The following WDR47 variants were observed in gnomAD, a reference collection of about 807,000 sequenced individuals.
WDR47 encodes the protein WD repeat-containing protein 47.
In WDR47, 32 loss-of-function variants were observed where a neutral mutation model predicts 97.2. The ratio of observed to expected loss-of-function variants is 0.33; its 90% CI spans 0.25 to 0.44. WDR47 has a LOEUF of 0.44. WDR47 is among the 20% of genes least tolerant of loss of function. The pLI is 1.00. For missense variants in WDR47, 782 were observed against 1,102.3 expected (o/e 0.71, Z 4.11); for synonymous variants, 375 against 373.5 (o/e 1.00, Z -0.05).
At position 109,023,403 on chromosome 1, in the gene WDR47, T is replaced by A; in HGVS notation, c.110A>T (p.Glu37Val). 1.2e-6 allele frequency: 2 copies of A among 1,613,878 alleles called. No homozygotes were observed. The highest frequency in any genetic ancestry group is 1.7e-6 in the Non-Finnish European group (2 of 1,179,906). ...LHISMLALEK[E>V]SGVINGLFSD... ...AAACAGGCCATTTATGACTCCACTTTCCTTCTCCAGGGCCAGCATACTAAT... is the reference window on the plus strand; with the variant it reads ...AAACAGGCCATTTATGACTCCACTTACCTTCTCCAGGGCCAGCATACTAAT... Residue 37 changes from glutamate (E) to valine (V), a missense_variant, in exon 2 of 15, where the codon GAA becomes GTA. Glu to Val is a moderately radical substitution (Grantham distance 121). This residue lies in a region of WDR47 where 428 missense variants were observed against 584.3 expected (regional missense o/e 0.73). Coordinates refer to ENST00000369962, the MANE Select transcript of WDR47 (RefSeq NM_001142551.2).
intron 4 of WDR47, 164 bp downstream of exon 4, chr1:109,013,677 C>T (rs957647157): frequency 2.1e-5 from 14 of 654,174 alleles, no homozygotes; most frequent in African/African-American, 1.3e-4. Context: ...AGTTTAGAAG[C>T]GCTACAGAAT....
At chr1:108,994,182 G>A (rs532800882) in intron 8 of WDR47, among the ~76,000 whole-genome samples, 4 of 152,238 alleles carry the variant, frequency 2.6e-5, no homozygotes, top group African/African-American at 9.6e-5. Context: ...CGAATCATGA[G>A]GTCAGGAGTT....
chr1:108,990,658 A>C (rs1029240282), intron 9 of WDR47, among the ~76,000 whole-genome samples: 5 of 152,144 alleles, frequency 3.3e-5, no homozygotes, highest in South Asian at 2.1e-4. Context: ...TCTCAAATTA[A>C]CACCTTTGTT....
intron 2 of WDR47, among the ~76,000 whole-genome samples, chr1:109,020,126 G>A (rs1206956143): frequency 6.6e-6 from 1 of 151,766 alleles, no homozygotes; most frequent in African/African-American, 2.4e-5. Context: ...ATAAAAATAA[G>A]GCAATCACTG....
chr1:109,011,635 G>A lies in WDR47; in HGVS notation c.411C>T (p.Leu137=), dbSNP rs779069985. Residue 137 remains leucine (L), a synonymous_variant, in exon 5 of 15, where the codon CTC becomes CTT. Transcript: ENST00000369962. Reference sequence around the variant, plus strand: ...GACGAGGCAAAGTCAAAAGCAAACAGAGCTTACTATAGTCATCTTTAGAAG... The same window carrying A: ...GACGAGGCAAAGTCAAAAGCAAACAAAGCTTACTATAGTCATCTTTAGAAG... ...YCPSKDDYSK[L]CLLLTLPRLT... 2 of 1,614,178 alleles carry A rather than the reference G, an allele frequency of 1.2e-6. No individual in the cohort carries two copies. The highest frequency in any genetic ancestry group is 2.2e-5 in the East Asian group (1 of 44,888).
intron 1 of WDR47, among the ~76,000 whole-genome samples, chr1:109,035,499 AT>A (rs773014772): frequency 0.029 from 4,202 of 143,792 alleles, 51 homozygotes; most frequent in Non-Finnish European, 0.037. Flanking sequence ...CAATTTTTAA[AT>A]TTTTTTTTTT....
At chr1:108,979,209 A>G (rs914044830) in intron 13 of WDR47, among the ~76,000 whole-genome samples, 6 of 152,230 alleles carry the variant, frequency 3.9e-5, no homozygotes, top group Non-Finnish European at 2.9e-5. Context: ...AATTAGTGGT[A>G]AGTGTATAGA....
Position 108,985,326 on chromosome 1 carries a change from G to A in WDR47, c.1925+1197C>T, listed in dbSNP as rs74969346. On this transcript the variant is annotated intron_variant, in intron 10 of 14. Coordinates refer to ENST00000369962, the MANE Select transcript of WDR47 (RefSeq NM_001142551.2). ...AAAGCCAAGCTCTTTCTCACCTCAC[G>A]TTCCCTCTATATTATTCTCTTCTCC... 4.0e-3 allele frequency among the ~76,000 whole-genome samples: 613 copies of A among 151,942 alleles called. 2 individuals carry two copies. Among genetic ancestry groups the A allele is most frequent in the Non-Finnish European group, 6.2e-3 (419 of 67,974 alleles).
intron 13 of WDR47, among the ~76,000 whole-genome samples, chr1:108,979,933 T>C (rs9658938): frequency 0.11 from 16,531 of 152,080 alleles, 1,062 homozygotes; most frequent in African/African-American, 0.16. Context: ...ACGAGGTGAG[T>C]GACAAATGAG....
intron 1 of WDR47, among the ~76,000 whole-genome samples, chr1:109,039,772 T>C (rs1173381161): frequency 1.3e-5 from 2 of 151,960 alleles, no homozygotes; most frequent in Admixed American, 1.3e-4. Flanking sequence ...GCACGGTGGC[T>C]CAAGCTTGTA....
At chr1:108,995,467 G>T in intron 8 of WDR47, 113 bp downstream of exon 8, 2 of 1,241,902 alleles carry the variant, frequency 1.6e-6, no homozygotes, top group Non-Finnish European at 2.2e-6. Flanking sequence ...AAAAAAAATT[G>T]GTAGGCAGTA....
At position 108,990,589 on chromosome 1, in the gene WDR47, C is replaced by T. The variant is rs796994252; in HGVS notation, c.1767+665G>A. On this transcript the variant is annotated intron_variant, in intron 9 of 14. Coordinates refer to ENST00000369962, the MANE Select transcript of WDR47 (RefSeq NM_001142551.2). ...TGCAAGGGACAAATATTCCTTTGTG[C>T]TTATCATAAAAATGGTCAATTTTAT... Among the ~76,000 whole-genome samples, 23 of 152,102 alleles carry T rather than the reference C, an allele frequency of 1.5e-4. 1 individual carries two copies. The highest frequency in any genetic ancestry group is 5.3e-4 in the African/African-American group (22 of 41,484).
At position 108,986,512 on chromosome 1, in the gene WDR47, T is replaced by C. The variant is rs780762091; in HGVS notation, c.1925+11A>G. Reference sequence around the variant, plus strand: ...AAGGTAAGAATGGCAGCACAAATCATTGATCCTTACCTTGGATCAATTACA... The same window carrying C: ...AAGGTAAGAATGGCAGCACAAATCACTGATCCTTACCTTGGATCAATTACA... On this transcript the variant is annotated intron_variant, in intron 10 of 14. Coordinates refer to ENST00000369962, the MANE Select transcript of WDR47 (RefSeq NM_001142551.2). 3 of 1,594,210 alleles carry C rather than the reference T, an allele frequency of 1.9e-6. No homozygotes were observed. Among genetic ancestry groups the C allele is most frequent in the East Asian group, 2.2e-5 (1 of 44,632 alleles).
At chr1:109,024,464 A>G (rs1571242228) in intron 1 of WDR47, among the ~76,000 whole-genome samples, 1 of 152,070 alleles carries the variant, frequency 6.6e-6, no homozygotes. Flanking sequence ...AAAAAAAAAG[A>G]AAGAAAAAAG....
intron 9 of WDR47, among the ~76,000 whole-genome samples, chr1:108,988,930 G>T (rs1424323056): frequency 2.6e-5 from 4 of 151,922 alleles, no homozygotes; most frequent in Non-Finnish European, 5.9e-5. Context: ...GCTAATTTTT[G>T]TATTTTTAGT....
intron 1 of WDR47, among the ~76,000 whole-genome samples, chr1:109,030,540 A>G (rs896650160): frequency 3.3e-5 from 5 of 152,120 alleles, no homozygotes; most frequent in Non-Finnish European, 5.9e-5. Context: ...TAGTTATGAC[A>G]AAAGTGCTTA....
At chr1:109,004,340 A>G (rs1571199320) in intron 6 of WDR47, among the ~76,000 whole-genome samples, 3 of 152,318 alleles carry the variant, frequency 2.0e-5, no homozygotes, top group African/African-American at 7.2e-5. Flanking sequence ...CATGTAAAAC[A>G]TGCAATGTCA....
chr1:109,002,149 G>A, intron 7 of WDR47, 75 bp downstream of exon 7: 3 of 1,415,206 alleles, frequency 2.1e-6, no homozygotes, highest in Non-Finnish European at 2.8e-6. Flanking sequence ...ACTATACATA[G>A]AAAGTAGCAG....
intron 1 of WDR47, among the ~76,000 whole-genome samples, chr1:109,036,692 T>C (rs1662976109): frequency 6.6e-6 from 1 of 151,394 alleles, no homozygotes; most frequent in Admixed American, 6.6e-5. Flanking sequence ...AAAAATTAGC[T>C]GGGCGTGGTG....
Sources: allele counts gnomAD v4.1 joint callset (sites outside exome capture counted in the v4.1 genomes callset), GRCh38; gene constraint gnomAD v4.1.1; regional missense constraint gnomAD v4.1.1; transcripts MANE v1.5; gene names NCBI Gene and HGNC (gene_info 2026-07-23, HGNC 2026-07-21).